GUCY1A2: variants seen among roughly 807,000 people sequenced by gnomAD.
The protein encoded by GUCY1A2 is guanylate cyclase 1 soluble subunit alpha 2, also known as guanylate cyclase soluble subunit alpha-2.
GUCY1A2 carries 27 observed loss-of-function variants against 63.5 expected under a neutral mutation model. The ratio of observed to expected loss-of-function variants is 0.43; its 90% CI spans 0.31 to 0.59. The LOEUF is 0.59. GUCY1A2 is among the 20% of genes least tolerant of loss of function. GUCY1A2 has a pLI of 0.11. For missense variants in GUCY1A2, 768 were observed against 913.3 expected, an observed-to-expected ratio of 0.84 and a Z score of 2.05; for synonymous variants, 364 against 343.5, an observed-to-expected ratio of 1.06 and a Z score of -0.66.
At chr11:106,991,910 C>T (rs547339789) in intron 1 of GUCY1A2, among the ~76,000 whole-genome samples, 1 of 152,316 alleles carries the variant, frequency 6.6e-6, no homozygotes, top group African/African-American at 2.4e-5. Context: ...GCTTTAAGCC[C>T]TCTATGTATA....
rs1379325293 is a variant in GUCY1A2, at chr11:106,987,066, CAAGA to C, written c.304-939_304-936del. ...ATAAGAAGAACCAAGTTCTCAGTAG[CAAGA>C]GAGAGAATGTTTTAAATAACAAAAA... On this transcript the variant is annotated intron_variant, in intron 1 of 7. Coordinates refer to ENST00000526355, the MANE Select transcript of GUCY1A2 (RefSeq NM_000855.3). Among the ~76,000 whole-genome samples the C allele has an allele frequency of 9.9e-5, 15 of 152,048 alleles. No homozygotes were observed. The East Asian group carries it at 2.9e-3, about 29-fold the overall frequency.
chr11:106,765,803 A>G (rs1864152410), intron 6 of GUCY1A2, among the ~76,000 whole-genome samples: 1 of 152,178 alleles, frequency 6.6e-6, no homozygotes, highest in Non-Finnish European at 1.5e-5. Context: ...CAAAATTACC[A>G]TATTTCCCTA....
At chr11:106,977,223 C>T (rs1861274737) in intron 3 of GUCY1A2, among the ~76,000 whole-genome samples, 1 of 152,090 alleles carries the variant, frequency 6.6e-6, no homozygotes, top group Non-Finnish European at 1.5e-5. Flanking sequence ...CTTGAAATCA[C>T]AATGCATTAA....
chr11:106,834,813 G>A (rs1859096299), intron 4 of GUCY1A2, among the ~76,000 whole-genome samples: 1 of 151,944 alleles, frequency 6.6e-6, no homozygotes, highest in Non-Finnish European at 1.5e-5. Context: ...ACTGTGGTTT[G>A]GAGATTTAGC....
At chr11:106,770,898 T>C (rs1864244719) in intron 6 of GUCY1A2, among the ~76,000 whole-genome samples, 1 of 150,142 alleles carries the variant, frequency 6.7e-6, no homozygotes, top group Admixed American at 6.6e-5. Flanking sequence ...GCAATTGAGA[T>C]TGCTAAACAC....
intron 5 of GUCY1A2, among the ~76,000 whole-genome samples, chr11:106,802,898 T>TG (rs1262957492): frequency 6.6e-6 from 1 of 152,144 alleles, no homozygotes; most frequent in South Asian, 2.1e-4. Context: ...CTATGAATTT[T>TG]GGGGGGTCAT....
intron 5 of GUCY1A2, among the ~76,000 whole-genome samples, chr11:106,781,554 G>A (rs989900725): frequency 6.6e-6 from 1 of 151,874 alleles, no homozygotes; most frequent in Admixed American, 6.6e-5. Context: ...TTAGAGCTAT[G>A]CATTCACCTT....
At chr11:106,994,402 A>G (rs1861509030) in intron 1 of GUCY1A2, among the ~76,000 whole-genome samples, 1 of 152,180 alleles carries the variant, frequency 6.6e-6, no homozygotes, top group Non-Finnish European at 1.5e-5. Flanking sequence ...TGAGCTGAAA[A>G]CATACACTCC....
At chr11:106,766,556 G>A (rs1356876999) in intron 6 of GUCY1A2, among the ~76,000 whole-genome samples, 1 of 132,804 alleles carries the variant, frequency 7.5e-6, no homozygotes, top group Non-Finnish European at 1.7e-5. Context: ...TCTTTTTTTT[G>A]TAATTTTAGA....
intron 4 of GUCY1A2, among the ~76,000 whole-genome samples, chr11:106,844,762 G>T (rs924767995): frequency 1.3e-5 from 2 of 151,476 alleles, no homozygotes; most frequent in East Asian, 3.9e-4. Flanking sequence ...GCCATGGATG[G>T]GCCTGTCTAA....
intron 4 of GUCY1A2, among the ~76,000 whole-genome samples, chr11:106,897,732 T>C (rs556256902): frequency 6.6e-6 from 1 of 152,006 alleles, no homozygotes; most frequent in African/African-American, 2.4e-5. Context: ...GACCAAATGT[T>C]AAATGCAAAA....
intron 6 of GUCY1A2, among the ~76,000 whole-genome samples, chr11:106,770,879 C>T (rs569123026): frequency 1.3e-5 from 2 of 148,288 alleles, no homozygotes; most frequent in Non-Finnish European, 3.0e-5. Flanking sequence ...CATAGCATTT[C>T]CCTGATTTGC....
At chr11:106,874,807 T>C (rs1859727775) in intron 4 of GUCY1A2, among the ~76,000 whole-genome samples, 1 of 152,026 alleles carries the variant, frequency 6.6e-6, no homozygotes, top group Admixed American at 6.6e-5. Context: ...ATTTAATCTT[T>C]TAAAAAAAAA....
chr11:106,911,863 G>C (rs1363623802), intron 4 of GUCY1A2, among the ~76,000 whole-genome samples: 2 of 152,004 alleles, frequency 1.3e-5, no homozygotes, highest in South Asian at 2.1e-4. Flanking sequence ...TACATATTTA[G>C]ATTATATTTT....
chr11:106,764,667 TAAGA>T (rs1864127438), intron 6 of GUCY1A2, among the ~76,000 whole-genome samples: 1 of 152,074 alleles, frequency 6.6e-6, no homozygotes, highest in Non-Finnish European at 1.5e-5. Flanking sequence ...AGAGGACATG[TAAGA>T]GAGAGAGTGC....
chr11:106,762,015 G>A (rs113188131), intron 6 of GUCY1A2, among the ~76,000 whole-genome samples: 6 of 152,248 alleles, frequency 3.9e-5, no homozygotes, highest in African/African-American at 1.4e-4. Context: ...CTGGTGTAAT[G>A]AGGCAGGTCT....
At chr11:106,969,645 A>G (rs1409169572) in intron 3 of GUCY1A2, among the ~76,000 whole-genome samples, 1 of 152,236 alleles carries the variant, frequency 6.6e-6, no homozygotes, top group Non-Finnish European at 1.5e-5. Flanking sequence ...CAACAAAATA[A>G]GCTATGAGTT....
chr11:106,761,222 T>C (rs1328003382), intron 6 of GUCY1A2, among the ~76,000 whole-genome samples: 1 of 152,230 alleles, frequency 6.6e-6, no homozygotes, highest in Non-Finnish European at 1.5e-5. Flanking sequence ...TTTTTTGATA[T>C]CTTTTTATCA....
chr11:106,827,152 G>GT, intron 4 of GUCY1A2: 2 of 1,488,504 alleles, frequency 1.3e-6, no homozygotes. Context: ...AAACTCTTTT[G>GT]TTCCTTTAAG....
Sources: allele counts gnomAD v4.1 joint callset (sites outside exome capture counted in the v4.1 genomes callset), GRCh38; gene constraint gnomAD v4.1.1; transcripts MANE v1.5; gene names NCBI Gene and HGNC (gene_info 2026-07-23, HGNC 2026-07-21).